F2RL1: variants seen among roughly 807,000 people sequenced by gnomAD.
F2RL1 encodes the protein proteinase-activated receptor 2.
A neutral mutation model predicts 21.7 loss-of-function variants in F2RL1; 16 were observed. The observed-to-expected ratio is 0.74, with a 90% CI of 0.50 to 1.12. The LOEUF is 1.12. F2RL1 is among the 50% of genes most tolerant of loss of function. The probability of loss-of-function intolerance (pLI) is 0.00; values close to 1 mark genes in which losing one functional copy is unlikely to be tolerated. For synonymous variants in F2RL1, 181 were observed against 186.7 expected (o/e 0.97, Z 0.25); for missense variants, 432 against 477.8 (o/e 0.90, Z 0.89).
chr5:76,823,224 A>G (rs2243020), intron 1 of F2RL1, among the ~76,000 whole-genome samples: 7 of 149,298 alleles, frequency 4.7e-5, no homozygotes, highest in African/African-American at 1.7e-4. Flanking sequence ...AGTGAGACTC[A>G]GTCTCAAAAA....
intron 1 of F2RL1, among the ~76,000 whole-genome samples, chr5:76,823,958 G>T (rs907536440): frequency 1.3e-5 from 2 of 151,388 alleles, no homozygotes; most frequent in African/African-American, 4.9e-5. Context: ...GACTACAGAC[G>T]CCCGCCACCA....
chr5:76,819,840 G>C (rs2242995), intron 1 of F2RL1, among the ~76,000 whole-genome samples: 93,860 of 151,792 alleles, frequency 0.62, 30,585 homozygotes, highest in African/African-American at 0.8. Context: ...TCGGGTTCTG[G>C]CCCCTGCGTT....
chr5:76,819,789 G>T (rs931285766), intron 1 of F2RL1, among the ~76,000 whole-genome samples: 2 of 152,112 alleles, frequency 1.3e-5, no homozygotes, highest in Non-Finnish European at 2.9e-5. Context: ...AGCCTTCTAG[G>T]TTGTTTTTTG....
At chr5:76,826,524 T>A (rs1323203578) in intron 1 of F2RL1, among the ~76,000 whole-genome samples, 1 of 152,132 alleles carries the variant, frequency 6.6e-6, no homozygotes, top group African/African-American at 2.4e-5. Flanking sequence ...GTACTTTTTT[T>A]TTTTTTTGAG....
At chr5:76,819,626 C>T (rs1314137807) in intron 1 of F2RL1, among the ~76,000 whole-genome samples, 2 of 152,134 alleles carry the variant, frequency 1.3e-5, no homozygotes, top group African/African-American at 4.8e-5. Flanking sequence ...AGGACCTAGT[C>T]CCCTCCCCGG....
intron 1 of F2RL1, among the ~76,000 whole-genome samples, chr5:76,821,586 G>C (rs1002182494): frequency 3.4e-4 from 35 of 102,842 alleles, no homozygotes; most frequent in African/African-American, 1.2e-3. Flanking sequence ...TGGTTTTTTG[G>C]GTTTTTTTTT....
In F2RL1 at chr5:76,819,196, G is replaced by A; in HGVS notation, c.14G>A (p.Ser5Asn). MRSPSAAWLLGAAIL... is the reference protein window; with the variant it reads MRSPNAAWLLGAAIL... Reference sequence around the variant, plus strand: ...GCTTCCAGGAGGATGCGGAGCCCCAGCGCGGCGTGGCTGCTGGGGGCCGCC... The same window carrying A: ...GCTTCCAGGAGGATGCGGAGCCCCAACGCGGCGTGGCTGCTGGGGGCCGCC... Residue 5 changes from serine (S) to asparagine (N), a missense_variant, in exon 1 of 2, where the codon AGC becomes AAC. Physicochemically the swap from Ser to Asn is conservative, Grantham distance 46. Transcript: ENST00000296677. The A allele has an allele frequency of 6.3e-7, 1 of 1,586,594 alleles. No homozygotes were observed. The highest frequency in any genetic ancestry group is 8.5e-7 in the Non-Finnish European group (1 of 1,175,390).
At chr5:76,823,813 CT>C (rs5868840) in intron 1 of F2RL1, among the ~76,000 whole-genome samples, 152 of 127,194 alleles carry the variant, frequency 1.2e-3, no homozygotes, top group East Asian at 4.5e-3. Flanking sequence ...TCTGTACAAA[CT>C]TTTTTTTTTT....
intron 1 of F2RL1, among the ~76,000 whole-genome samples, chr5:76,820,065 C>G (rs1443405122): frequency 6.6e-6 from 1 of 152,214 alleles, no homozygotes; most frequent in African/African-American, 2.4e-5. Context: ...AGTGTGCCAC[C>G]CGGAGCGGCC....
At chr5:76,823,526 G>A (rs1010194773) in intron 1 of F2RL1, among the ~76,000 whole-genome samples, 22 of 151,812 alleles carry the variant, frequency 1.4e-4, no homozygotes, top group Admixed American at 7.9e-4. Context: ...TTACAGATGC[G>A]CGCCAACACC....
intron 1 of F2RL1, among the ~76,000 whole-genome samples, chr5:76,823,345 C>G (rs1750177296): frequency 6.7e-6 from 1 of 148,430 alleles, no homozygotes; most frequent in Non-Finnish European, 1.5e-5. Flanking sequence ...CACAACTTCT[C>G]GGGTTTTGTT....
In F2RL1 at chr5:76,833,247, C is replaced by A; in HGVS notation, c.640C>A (p.Gln214Lys). Residue 214 changes from glutamine (Q) to lysine (K), a missense_variant, in exon 2 of 2, where the codon CAG (glutamine) becomes AAG (lysine). Transcript: ENST00000296677. Reference protein sequence around the residue: ...LVTIPLYVVKQTIFIPALNIT... With the variant: ...LVTIPLYVVKKTIFIPALNIT... ...CACCATTCCTTTGTATGTCGTGAAG[C>A]AGACCATCTTCATTCCTGCCCTGAA... 7 of 1,613,740 alleles carry A rather than the reference C, an allele frequency of 4.3e-6. No homozygotes were observed. The highest frequency in any genetic ancestry group is 5.9e-6 in the Non-Finnish European group (7 of 1,179,964).
chr5:76,834,697 T>C lies in F2RL1; in HGVS notation c.*896T>C, dbSNP rs1161356728. On this transcript the variant is annotated 3_prime_UTR_variant, in exon 2 of 2. Transcript: ENST00000296677. Reference sequence around the variant, plus strand: ...ATTCCTCAGATTCAATAATGAGAGCTCAGACTGGGAACAGGGCCCAGGAAT... The same window carrying C: ...ATTCCTCAGATTCAATAATGAGAGCCCAGACTGGGAACAGGGCCCAGGAAT... 6.6e-6 allele frequency: 1 copy of C among 152,160 alleles called. No homozygotes were observed. The highest frequency in any genetic ancestry group is 1.5e-5 in the Non-Finnish European group (1 of 68,036). 9.4% of individuals were successfully genotyped at this position (152,160 alleles called of 1,614,324 possible).
In F2RL1 at chr5:76,832,826, G is replaced by GT; in HGVS notation, c.219_220insT (p.Thr74TyrfsTer20). 2 of 1,614,180 alleles carry GT rather than the reference G, an allele frequency of 1.2e-6. No homozygotes were observed. ...CTGCATCTGTCCTCACTGGAAAACT[G>GT]ACCACTGTCTTCCTTCCAATTGTCT... On this transcript the variant is annotated frameshift_variant, in exon 2 of 2. Transcript: ENST00000296677. LOFTEE classifies it high-confidence loss of function.
intron 1 of F2RL1, among the ~76,000 whole-genome samples, chr5:76,820,499 T>A (rs1441991152): frequency 6.6e-6 from 1 of 152,130 alleles, no homozygotes; most frequent in African/African-American, 2.4e-5. Context: ...ACCGCTGGTA[T>A]ATTTTTTTTT....
intron 1 of F2RL1, among the ~76,000 whole-genome samples, chr5:76,822,058 T>C (rs1277536225): frequency 6.6e-6 from 1 of 152,200 alleles, no homozygotes; most frequent in Non-Finnish European, 1.5e-5. Context: ...ACAAAATATG[T>C]ATTCACAAAT....
Position 76,833,061 on chromosome 5 carries a change from A to G in F2RL1, c.454A>G (p.Ile152Val). Reference protein sequence around the residue: ...IYGEALCNVLIGFFYGNMYCS... With the variant: ...IYGEALCNVLVGFFYGNMYCS... ...TGGGGAAGCTCTTTGTAATGTGCTTATTGGCTTTTTCTATGGCAACATGTA... is the reference window on the plus strand; with the variant it reads ...TGGGGAAGCTCTTTGTAATGTGCTTGTTGGCTTTTTCTATGGCAACATGTA... Residue 152 changes from isoleucine (I) to valine (V), a missense_variant, in exon 2 of 2, where the codon ATT becomes GTT. Physicochemically the swap from Ile to Val is conservative, Grantham distance 29. Transcript: ENST00000296677. 6.2e-7 allele frequency: 1 copy of G among 1,614,140 alleles called. No homozygotes were observed. Among genetic ancestry groups the G allele is most frequent in the Middle Eastern group, 1.6e-4 (1 of 6,062 alleles).
Position 76,833,823 on chromosome 5 carries a change from G to A in F2RL1, c.*22G>A, listed in dbSNP as rs187721390. On this transcript the variant is annotated 3_prime_UTR_variant, in exon 2 of 2. Coordinates refer to ENST00000296677, the MANE Select transcript of F2RL1 (RefSeq NM_005242.6). ...TTGAGTTTTCCAGGTCCTCAGATGG[G>A]AATTGCACAGTAGGATGTGGAACCT... 6.9e-6 allele frequency: 11 copies of A among 1,604,692 alleles called. No homozygotes were observed. Among genetic ancestry groups the A allele is most frequent in the Non-Finnish European group, 9.4e-6 (11 of 1,174,730 alleles).
chr5:76,823,086 C>T (rs1168541869), intron 1 of F2RL1, among the ~76,000 whole-genome samples: 4 of 151,930 alleles, frequency 2.6e-5, no homozygotes, highest in East Asian at 1.9e-4. Flanking sequence ...AAAAATTAGC[C>T]GGGCATGGTG....
Sources: gnomAD v4.1 joint callset for allele counts (sites outside exome capture counted in the v4.1 genomes callset) on GRCh38, gnomAD v4.1.1 for gene constraint, MANE v1.5 for transcripts, NCBI Gene and HGNC (gene_info 2026-07-23, HGNC 2026-07-21) for gene names.